The following PPFIBP1 variants were observed in gnomAD, a reference collection of about 807,000 sequenced individuals.
PPFIBP1 encodes the protein liprin-beta-1.
In PPFIBP1, 112 loss-of-function variants were observed where a neutral mutation model predicts 137.8. That is an observed-to-expected ratio of 0.81 (90% confidence interval 0.70 to 0.95). The LOEUF is 0.95. Among genes scored for constraint, PPFIBP1 ranks in the 40% least tolerant of loss-of-function variants. The pLI is 0.00. For synonymous variants in PPFIBP1, 378 were observed against 417.3 expected (o/e 0.91, Z 1.15); for missense variants, 1,083 against 1,196.6 (o/e 0.91, Z 1.40).
At chr12:27,541,547 T>C (rs1298444880) in intron 1 of PPFIBP1, among the ~76,000 whole-genome samples, 1 of 152,062 alleles carries the variant, frequency 6.6e-6, no homozygotes, top group Non-Finnish European at 1.5e-5. Context: ...ACCCCTTAAG[T>C]TTTGCTCTTT....
chr12:27,537,192 T>C (rs1174855144), intron 1 of PPFIBP1, among the ~76,000 whole-genome samples: 2 of 152,016 alleles, frequency 1.3e-5, no homozygotes, highest in Non-Finnish European at 2.9e-5. Flanking sequence ...AGTGCAATGG[T>C]GTGATCTCAG....
At chr12:27,652,640 T>C (rs12582112) in intron 7 of PPFIBP1, among the ~76,000 whole-genome samples, 2 of 152,224 alleles carry the variant, frequency 1.3e-5, no homozygotes, top group Admixed American at 1.3e-4. Context: ...TAGTTTTTTG[T>C]TAAAACAGAT....
chr12:27,561,713 C>T lies in PPFIBP1; in HGVS notation c.-123-16439C>T, dbSNP rs570259847. Among the ~76,000 whole-genome samples, 516 of 152,156 alleles carry T rather than the reference C, an allele frequency of 3.4e-3. No individual in the cohort carries two copies. The highest frequency in any genetic ancestry group is 6.5e-3 in the Non-Finnish European group (442 of 67,998). On this transcript the variant is annotated intron_variant, in intron 1 of 29. Coordinates refer to ENST00000228425, the MANE Select transcript of PPFIBP1 (RefSeq NM_003622.4). Reference sequence around the variant, plus strand: ...TGCCTGCTTTCGTTTCTGTAGTTCTCCGAGCACTCCTCTGCCTCTGCACAT... The same window carrying T: ...TGCCTGCTTTCGTTTCTGTAGTTCTTCGAGCACTCCTCTGCCTCTGCACAT...
chr12:27,624,852 T>C (rs545433298), intron 2 of PPFIBP1, among the ~76,000 whole-genome samples: 1 of 152,298 alleles, frequency 6.6e-6, no homozygotes, highest in South Asian at 2.1e-4. Flanking sequence ...GAGGTTATGA[T>C]AGAGAAATAA....
chr12:27,666,425 T>G (rs2059860101), intron 12 of PPFIBP1, among the ~76,000 whole-genome samples: 1 of 152,224 alleles, frequency 6.6e-6, no homozygotes, highest in South Asian at 2.1e-4. Flanking sequence ...TGTGGTCTGA[T>G]TAAGATCTTT....
At chr12:27,557,844 CT>C (rs2048829768) in intron 1 of PPFIBP1, among the ~76,000 whole-genome samples, 1 of 152,224 alleles carries the variant, frequency 6.6e-6, no homozygotes, top group Non-Finnish European at 1.5e-5. Context: ...CCTGGAATTA[CT>C]GGAATGTGAA....
rs531976325 is a variant in PPFIBP1 at position 27,638,300 on chromosome 12, T to G, written c.270+3185T>G. Among the ~76,000 whole-genome samples the G allele has an allele frequency of 2.0e-5, 3 of 152,302 alleles. No homozygotes were observed. The East Asian group carries it at 5.8e-4, about 29-fold the overall frequency. ...CACAGAATCCTAGCAAATTCCCCCTTCATATTGAACATGGGAAAACTGCCC... is the reference window on the plus strand; with the variant it reads ...CACAGAATCCTAGCAAATTCCCCCTGCATATTGAACATGGGAAAACTGCCC... On this transcript the variant is annotated intron_variant, in intron 4 of 29. Coordinates refer to ENST00000228425, the MANE Select transcript of PPFIBP1 (RefSeq NM_003622.4).
intron 2 of PPFIBP1, chr12:27,593,678 T>C: frequency 3.5e-6 from 2 of 563,544 alleles, no homozygotes; most frequent in African/African-American, 1.9e-5. Flanking sequence ...TTGTCCTCTC[T>C]TTTGGGAACT....
At chr12:27,546,924 C>A (rs892992107) in intron 1 of PPFIBP1, 1 of 152,190 alleles carries the variant, frequency 6.6e-6, no homozygotes, top group Non-Finnish European at 1.5e-5. Context: ...ATCACTTGGG[C>A]TCAGGAGGTT....
At chr12:27,560,884 A>G (rs180957661) in intron 1 of PPFIBP1, among the ~76,000 whole-genome samples, 1 of 152,332 alleles carries the variant, frequency 6.6e-6, no homozygotes, top group Admixed American at 6.5e-5. Context: ...TTTTAATAAC[A>G]CATAAAACTG....
intron 17 of PPFIBP1, among the ~76,000 whole-genome samples, chr12:27,675,153 T>C (rs974704238): frequency 6.6e-6 from 1 of 152,172 alleles, no homozygotes; most frequent in African/African-American, 2.4e-5. Context: ...GTCCTCTGAT[T>C]TTCTGTCATT....
At chr12:27,581,021 A>G (rs1668983776) in intron 2 of PPFIBP1, among the ~76,000 whole-genome samples, 1 of 151,634 alleles carries the variant, frequency 6.6e-6, no homozygotes, top group Admixed American at 6.6e-5. Flanking sequence ...CAGTCTCCTG[A>G]GTAACTGGGA....
chr12:27,634,751 A>C (rs1405603073), intron 3 of PPFIBP1, among the ~76,000 whole-genome samples, 159 bp from the exon 4 acceptor site: 1 of 152,186 alleles, frequency 6.6e-6, no homozygotes, highest in Non-Finnish European at 1.5e-5. Context: ...TTTTTGCACC[A>C]TGTAACTCTG....
At chr12:27,685,728 A>G (rs2061165677) in intron 24 of PPFIBP1, among the ~76,000 whole-genome samples, 1 of 152,198 alleles carries the variant, frequency 6.6e-6, no homozygotes, top group Non-Finnish European at 1.5e-5. Context: ...TAAAGTCTGC[A>G]ATTTAGTCAA....
chr12:27,683,482 G>T (rs1566011981), intron 24 of PPFIBP1, among the ~76,000 whole-genome samples: 1 of 152,210 alleles, frequency 6.6e-6, no homozygotes. Flanking sequence ...ACATCTTCAA[G>T]GACTTGTCTT....
chr12:27,590,449 T>C (rs1443000443), intron 2 of PPFIBP1, among the ~76,000 whole-genome samples: 1 of 152,200 alleles, frequency 6.6e-6, no homozygotes, highest in Non-Finnish European at 1.5e-5. Flanking sequence ...GTGCTGAGAT[T>C]ACAGGCGTGA....
At chr12:27,612,538 A>G (rs1322717789) in intron 2 of PPFIBP1, among the ~76,000 whole-genome samples, 2 of 151,848 alleles carry the variant, frequency 1.3e-5, no homozygotes, top group Admixed American at 6.6e-5. Flanking sequence ...TAATAGAGAC[A>G]AGGTCTCACT....
In PPFIBP1 at chr12:27,676,482, G is replaced by A; in HGVS notation, c.1465G>A (p.Gly489Arg). The A allele has an allele frequency of 1.9e-6, 3 of 1,603,596 alleles. No individual in the cohort carries two copies. Among genetic ancestry groups the A allele is most frequent in the Non-Finnish European group, 2.6e-6 (3 of 1,173,934 alleles). Residue 489 changes from glycine (G) to arginine (R), a missense_variant, in exon 18 of 30, where the codon GGG becomes AGG. Coordinates refer to ENST00000228425, the MANE Select transcript of PPFIBP1 (RefSeq NM_003622.4). ...PFGTLPPRPP[G>R]QDTSMDDNPF... ...TGGGACCCTTCCTCCCAGGCCCCCAGGGCAGGACACCTCCATGGATGACAA... is the reference window on the plus strand; with the variant it reads ...TGGGACCCTTCCTCCCAGGCCCCCAAGGCAGGACACCTCCATGGATGACAA...
chr12:27,620,830 T>A (rs1425016250), intron 2 of PPFIBP1, among the ~76,000 whole-genome samples: 1 of 152,222 alleles, frequency 6.6e-6, no homozygotes, highest in Non-Finnish European at 1.5e-5. Context: ...TCCTCTTGCT[T>A]GCTTCGTTAT....
Sources: allele counts gnomAD v4.1 joint callset (sites outside exome capture counted in the v4.1 genomes callset), GRCh38; gene constraint gnomAD v4.1.1; transcripts MANE v1.5; gene names NCBI Gene and HGNC (gene_info 2026-07-23, HGNC 2026-07-21).